The following RASSF8 variants were observed in gnomAD, a reference collection of about 807,000 sequenced individuals.
RASSF8 encodes the protein ras association domain-containing protein 8.
RASSF8 carries 22 observed loss-of-function variants against 48.5 expected under a neutral mutation model. That is an observed-to-expected ratio of 0.45 (90% CI 0.32 to 0.65). The LOEUF (loss-of-function observed/expected upper bound fraction) is 0.65. RASSF8 is among the 30% of genes least tolerant of loss of function. RASSF8 has a pLI of 0.03. For missense variants in RASSF8, 418 were observed against 489.2 expected, an observed-to-expected ratio of 0.85 and a Z score of 1.37; for synonymous variants, 127 against 171.5, an observed-to-expected ratio of 0.74 and a Z score of 2.03.
At chr12:25,974,321 A>G (rs924143699) in intron 1 of RASSF8, among the ~76,000 whole-genome samples, 3 of 152,168 alleles carry the variant, frequency 2.0e-5, no homozygotes, top group Non-Finnish European at 4.4e-5. Flanking sequence ...GCTAATCTGC[A>G]AAGAGAATGG....
intron 2 of RASSF8, among the ~76,000 whole-genome samples, chr12:26,006,369 C>A (rs975866358): frequency 6.6e-6 from 1 of 152,284 alleles, no homozygotes. Context: ...TCTCTAAAAC[C>A]TCCAGTCTCC....
At chr12:26,078,638 C>T (rs969548154) in intron 5 of RASSF8, among the ~76,000 whole-genome samples, 5 of 152,128 alleles carry the variant, frequency 3.3e-5, no homozygotes, top group African/African-American at 1.2e-4. Context: ...ACCCTTAATT[C>T]TTCCCAAATT....
At position 26,055,232 on chromosome 12, in the gene RASSF8, T is replaced by G; in HGVS notation, c.-108-4T>G. 1 of 833,796 alleles carries G rather than the reference T, an allele frequency of 1.2e-6. No individual in the cohort carries two copies. The highest frequency in any genetic ancestry group is 2.0e-6 in the Non-Finnish European group (1 of 493,726). 51.6% of individuals were successfully genotyped at this position (833,796 alleles called of 1,614,324 possible). On this transcript the variant is annotated splice_polypyrimidine_tract_variant and splice_region_variant and intron_variant, in intron 2 of 5. Coordinates refer to ENST00000689635, the MANE Select transcript of RASSF8 (RefSeq NM_001394098.1). ...ATTACAAGTGATTTTTTGCCCTTTT[T>G]TAGCTGACTACACAGACTTAGTCTT...
chr12:26,072,584 C>A lies in RASSF8; in HGVS notation c.*3766C>A. On this transcript the variant is annotated 3_prime_UTR_variant, in exon 6 of 6. Transcript: ENST00000689635. ...ATTTACAGCCAGACATGGTGATAGC[C>A]CTAAATGTATTTCTCAATATGTTTT... is the stretch of plus-strand genomic sequence containing the variant. The A allele has an allele frequency of 1.0e-6, 1 of 985,116 alleles. No individual in the cohort carries two copies. Among genetic ancestry groups the A allele is most frequent in the Non-Finnish European group, 1.2e-6 (1 of 829,840 alleles). 61.0% of individuals were successfully genotyped at this position (985,116 alleles called of 1,614,324 possible).
chr12:25,966,530 T>C (rs1284692639), intron 1 of RASSF8, among the ~76,000 whole-genome samples: 1 of 152,200 alleles, frequency 6.6e-6, no homozygotes, highest in Non-Finnish European at 1.5e-5. Flanking sequence ...TAATTTGCAT[T>C]TCCCTAACAA....
At chr12:26,078,957 A>G (rs1944094319) in intron 5 of RASSF8, 2 of 1,367,934 alleles carry the variant, frequency 1.5e-6, no homozygotes, top group Admixed American at 2.9e-5. Context: ...AATTGAGATC[A>G]TGATTATGTA....
At chr12:25,978,870 T>A (rs921101779) in intron 1 of RASSF8, among the ~76,000 whole-genome samples, 4 of 152,100 alleles carry the variant, frequency 2.6e-5, no homozygotes, top group Admixed American at 2.6e-4. Flanking sequence ...TTCATTATGG[T>A]AATAGGGAAG....
At chr12:26,032,777 T>C in intron 2 of RASSF8, among the ~76,000 whole-genome samples, 1 of 152,194 alleles carries the variant, frequency 6.6e-6, no homozygotes, top group South Asian at 2.1e-4. Context: ...GCTGAGAAAT[T>C]CTGTTGATGT....
intron 2 of RASSF8, among the ~76,000 whole-genome samples, chr12:26,050,976 C>T (rs190586132): frequency 1.2e-4 from 18 of 152,168 alleles, no homozygotes; most frequent in Admixed American, 1.0e-3. Flanking sequence ...GATAAGATTT[C>T]TTAGGGTGGT....
intron 1 of RASSF8, among the ~76,000 whole-genome samples, chr12:25,967,741 A>G (rs1941391551): frequency 1.3e-5 from 2 of 152,098 alleles, no homozygotes; most frequent in Admixed American, 1.3e-4. Flanking sequence ...CCCTTACCCA[A>G]CTCCATGAAC....
chr12:25,962,554 G>A (rs1429019093), intron 1 of RASSF8, among the ~76,000 whole-genome samples: 1 of 152,016 alleles, frequency 6.6e-6, no homozygotes, highest in African/African-American at 2.4e-5. Flanking sequence ...CAATAAATAT[G>A]TTGATATAAT....
intron 4 of RASSF8, 143 bp from the exon 5 acceptor site, chr12:26,067,426 A>G (rs529400555): frequency 7.7e-5 from 70 of 910,662 alleles, no homozygotes; most frequent in South Asian, 5.6e-4. Flanking sequence ...CATTGTGTCA[A>G]TATAAACCAG....
rs1428857450 is a variant in RASSF8, at chr12:26,072,060, G to T, written c.*3242G>T. Reference sequence around the variant, plus strand: ...TAACACAGAAAAGACAAAAACTTTTGATTTCAGGCATGCAAAGTGCTTGGG... The same window carrying T: ...TAACACAGAAAAGACAAAAACTTTTTATTTCAGGCATGCAAAGTGCTTGGG... On this transcript the variant is annotated 3_prime_UTR_variant, in exon 6 of 6. Coordinates refer to ENST00000689635, the MANE Select transcript of RASSF8 (RefSeq NM_001394098.1). 2 of 985,250 alleles carry T rather than the reference G, an allele frequency of 2.0e-6. No homozygotes were observed. Among genetic ancestry groups the T allele is most frequent in the African/African-American group, 1.7e-5 (1 of 57,242 alleles). 61.0% of individuals were successfully genotyped at this position (985,250 alleles called of 1,614,324 possible).
intron 2 of RASSF8, among the ~76,000 whole-genome samples, chr12:26,043,993 ATAACT>A (rs1445843304): frequency 2.0e-5 from 3 of 152,326 alleles, no homozygotes; most frequent in Middle Eastern, 3.4e-3. Context: ...GTGAAAATTC[ATAACT>A]TAAGATTTCT....
intron 2 of RASSF8, among the ~76,000 whole-genome samples, chr12:26,029,278 C>T (rs1389809424): frequency 6.6e-6 from 1 of 152,182 alleles, no homozygotes; most frequent in Non-Finnish European, 1.5e-5. Context: ...TCTAGCCTCA[C>T]ATATGTTTTA....
At chr12:25,988,147 C>T (rs565691154) in intron 1 of RASSF8, among the ~76,000 whole-genome samples, 5 of 152,154 alleles carry the variant, frequency 3.3e-5, no homozygotes, top group African/African-American at 7.2e-5. Flanking sequence ...AGGTGTGAGC[C>T]ACCACGCCTG....
At chr12:26,020,670 A>AG (rs1231860794) in intron 2 of RASSF8, among the ~76,000 whole-genome samples, 4 of 152,262 alleles carry the variant, frequency 2.6e-5, no homozygotes, top group South Asian at 4.1e-4. Context: ...ACAATATTTA[A>AG]GTTTAAAAAA....
At chr12:26,011,569 A>C (rs1033898711) in intron 2 of RASSF8, among the ~76,000 whole-genome samples, 51 of 152,094 alleles carry the variant, frequency 3.4e-4, no homozygotes, top group African/African-American at 1.2e-3. Context: ...CCCGAATTCA[A>C]ATGTTGAAAC....
At chr12:25,971,442 T>A (rs1249308652) in intron 1 of RASSF8, among the ~76,000 whole-genome samples, 1 of 152,212 alleles carries the variant, frequency 6.6e-6, no homozygotes, top group Non-Finnish European at 1.5e-5. Context: ...CCTTTGGCAC[T>A]GATCATCCTG....
Sources: gnomAD v4.1 joint callset for allele counts (sites outside exome capture counted in the v4.1 genomes callset) on GRCh38, gnomAD v4.1.1 for gene constraint, MANE v1.5 for transcripts, NCBI Gene and HGNC (gene_info 2026-07-23, HGNC 2026-07-21) for gene names.